PCNX2: variants seen among roughly 807,000 people sequenced by gnomAD.
PCNX2 encodes the protein pecanex-like protein 2.
In PCNX2, 168 loss-of-function variants were observed where a neutral mutation model predicts 223.8. The observed-to-expected ratio is 0.75, with a 90% CI of 0.66 to 0.85. The LOEUF is 0.85. Ranked by LOEUF, PCNX2 falls within the 40% of genes least tolerant of loss-of-function variation. The pLI, the probability that PCNX2 is intolerant of heterozygous loss-of-function variation, is 0.00. For synonymous variants in PCNX2, 1,006 were observed against 1,052.6 expected, an observed-to-expected ratio of 0.96 and a Z score of 0.86; for missense variants, 2,507 against 2,675.5, an observed-to-expected ratio of 0.94 and a Z score of 1.39.
intron 17 of PCNX2, chr1:233,172,396 T>C (rs1679207513): frequency 1.0e-5 from 10 of 985,446 alleles, no homozygotes; most frequent in Non-Finnish European, 1.2e-5. Context: ...TGCCATCTAG[T>C]TGTTTGAACT....
In PCNX2 at chr1:233,001,495, A is replaced by G. The variant is rs1670083822; in HGVS notation, c.5097+42T>C. The stretch of plus-strand genomic sequence containing the variant: ...ACTCCATCTCATAAATAAATAAATA[A>G]ATAAATAAATAAATAAATAAATAAA... On this transcript the variant is annotated intron_variant, in intron 29 of 33. Coordinates refer to ENST00000258229, the MANE Select transcript of PCNX2 (RefSeq NM_014801.4). The surrounding 1 kb of genome is among the most constrained non-coding windows in gnomAD (Gnocchi z 4.2). The G allele has an allele frequency of 2.8e-6, 3 of 1,078,408 alleles. No individual in the cohort carries two copies. The African/African-American group carries it at 5.1e-5, about 18-fold the overall frequency. The allele number at this position is 1,078,408 out of a possible 1,614,324, so 66.8% of individuals were successfully genotyped here. A position where few individuals can be genotyped will look rare whatever the true frequency, so the allele number is the denominator to read the frequency against.
chr1:232,999,524 G>T, intron 30 of PCNX2, 145 bp from the exon 31 acceptor site: 1 of 919,534 alleles, frequency 1.1e-6, no homozygotes, highest in Non-Finnish European at 1.6e-6. Context: ...TGCAATCTCA[G>T]CTCACTGCAA....
chr1:233,200,796 C>T (rs1681040734), intron 13 of PCNX2, among the ~76,000 whole-genome samples: 1 of 151,594 alleles, frequency 6.6e-6, no homozygotes, highest in South Asian at 2.1e-4. Context: ...CCGAGGTGGG[C>T]GGATCACCTG....
At chr1:233,287,288 T>C (rs1307760134) in intron 1 of PCNX2, among the ~76,000 whole-genome samples, 1 of 152,214 alleles carries the variant, frequency 6.6e-6, no homozygotes, top group African/African-American at 2.4e-5. Flanking sequence ...TGTACATTTT[T>C]AGTGTTTGTA....
intron 21 of PCNX2, among the ~76,000 whole-genome samples, chr1:233,108,410 C>T (rs1047197195): frequency 6.6e-6 from 1 of 152,128 alleles, no homozygotes; most frequent in Admixed American, 6.6e-5. Flanking sequence ...AGATTTTGGC[C>T]AGTGGAATCG....
intron 12 of PCNX2, among the ~76,000 whole-genome samples, chr1:233,216,386 TAC>T (rs1656905108): frequency 6.6e-6 from 1 of 152,184 alleles, no homozygotes; most frequent in Admixed American, 6.5e-5. Context: ...AGCTCAAAGT[TAC>T]AGAGATGAAA....
the PCNX2 span, among the ~76,000 whole-genome samples, chr1:233,324,551 A>G: frequency 6.6e-6 from 1 of 152,128 alleles, no homozygotes; most frequent in Non-Finnish European, 1.5e-5. Flanking sequence ...CAATGGCACA[A>G]CAAAGCCTGG....
chr1:233,119,938 G>A (rs1176481862), intron 21 of PCNX2, among the ~76,000 whole-genome samples: 3 of 151,798 alleles, frequency 2.0e-5, no homozygotes, highest in African/African-American at 4.8e-5. Context: ...AGGCCGAGGC[G>A]GGTGGATCAC....
intron 21 of PCNX2, among the ~76,000 whole-genome samples, chr1:233,104,824 A>G (rs1674674501): frequency 6.6e-6 from 1 of 152,198 alleles, no homozygotes; most frequent in Non-Finnish European, 1.5e-5. Flanking sequence ...CAATTAAATT[A>G]GAAGTCAATA....
intron 25 of PCNX2, among the ~76,000 whole-genome samples, chr1:233,051,513 C>T (rs1039431888): frequency 6.6e-6 from 1 of 152,076 alleles, no homozygotes; most frequent in East Asian, 1.9e-4. Context: ...TACTATGCAG[C>T]CATAAAGAAA....
intron 13 of PCNX2, among the ~76,000 whole-genome samples, chr1:233,207,273 G>T (rs1017975666): frequency 4.3e-4 from 65 of 152,184 alleles, no homozygotes; most frequent in African/African-American, 1.6e-3. Flanking sequence ...AGTTCCACTA[G>T]AGAGATTCAA....
chr1:233,141,947 A>AAT (rs1164742851), intron 19 of PCNX2, among the ~76,000 whole-genome samples: 5 of 152,138 alleles, frequency 3.3e-5, no homozygotes, highest in Non-Finnish European at 5.9e-5. Flanking sequence ...CAATGAGCTT[A>AAT]ATAAATAGAA....
chr1:233,181,936 A>G (rs1204122496), intron 15 of PCNX2, among the ~76,000 whole-genome samples: 3 of 152,152 alleles, frequency 2.0e-5, no homozygotes, highest in Non-Finnish European at 4.4e-5. Context: ...TATAGCATAC[A>G]CTATCCCTCT....
intron 9 of PCNX2, among the ~76,000 whole-genome samples, chr1:233,235,777 T>C (rs1658349260): frequency 2.0e-5 from 3 of 151,646 alleles, no homozygotes; most frequent in East Asian, 3.9e-4. Context: ...AATGTTTCTA[T>C]TTTTAGTAGA....
intron 25 of PCNX2, among the ~76,000 whole-genome samples, chr1:233,034,276 G>A (rs1671370750): frequency 4.6e-5 from 7 of 152,034 alleles, no homozygotes; most frequent in Admixed American, 3.9e-4. Flanking sequence ...ATGAGGGTGC[G>A]GCCCTCATGA....
intron 1 of PCNX2, among the ~76,000 whole-genome samples, chr1:233,294,579 C>T (rs182337689): frequency 6.6e-6 from 1 of 152,120 alleles, no homozygotes; most frequent in Non-Finnish European, 1.5e-5. Flanking sequence ...ATTCTTGGCA[C>T]GTAAAGTTTA....
At chr1:233,074,201 A>T (rs1223374279) in intron 23 of PCNX2, among the ~76,000 whole-genome samples, 1 of 152,086 alleles carries the variant, frequency 6.6e-6, no homozygotes, top group African/African-American at 2.4e-5. Flanking sequence ...CTTATCGAGG[A>T]TTGTTCTATG....
chr1:233,054,113 T>C (rs890285603), intron 25 of PCNX2, among the ~76,000 whole-genome samples, 155 bp downstream of exon 25: 2 of 152,174 alleles, frequency 1.3e-5, no homozygotes, highest in African/African-American at 4.8e-5. Context: ...CAGATGACTG[T>C]AGTTTATTTA....
intron 1 of PCNX2, among the ~76,000 whole-genome samples, chr1:233,285,222 C>T (rs1661389410): frequency 6.6e-6 from 1 of 152,082 alleles, no homozygotes. Context: ...TGTGGTGGTG[C>T]ATGCCTGAAG....
Sources: gnomAD v4.1 joint callset for allele counts (sites outside exome capture counted in the v4.1 genomes callset) on GRCh38, gnomAD v4.1.1 for gene constraint, Gnocchi (gnomAD v3.1) non-coding constraint, MANE v1.5 for transcripts, NCBI Gene and HGNC (gene_info 2026-07-23, HGNC 2026-07-21) for gene names.